The following KANK1 variants were observed in gnomAD, a reference collection of about 807,000 sequenced individuals.
KANK1 encodes KN motif and ankyrin repeat domain-containing protein 1.
Under a neutral mutation model 106.2 loss-of-function variants are expected in KANK1, and 109 were observed. The ratio of observed to expected loss-of-function variants is 1.03; its 90% CI spans 0.88 to 1.20. KANK1 has a LOEUF of 1.20. Ranked by LOEUF, KANK1 falls within the 50% of genes most tolerant of loss-of-function variation. The probability of loss-of-function intolerance (pLI) is 0.00; values close to 1 mark genes in which losing one functional copy is unlikely to be tolerated. For missense variants in KANK1, 2,399 were observed against 1,710.7 expected (o/e 1.40, Z -7.10); for synonymous variants, 873 against 652.2 (o/e 1.34, Z -5.16).
At chr9:637,614 C>T (rs1837454938) in intron 1 of KANK1, among the ~76,000 whole-genome samples, 1 of 152,180 alleles carries the variant, frequency 6.6e-6, no homozygotes, top group Non-Finnish European at 1.5e-5. Context: ...AATGCTTTAT[C>T]TGGGGACCAC....
chr9:705,657 T>C (rs1214601597), intron 2 of KANK1, among the ~76,000 whole-genome samples: 1 of 151,276 alleles, frequency 6.6e-6, no homozygotes, highest in African/African-American at 2.4e-5. Context: ...GAGTGCAATG[T>C]GTGTGATCTT....
At chr9:539,333 TC>T in intron 1 of KANK1, among the ~76,000 whole-genome samples, 1 of 152,360 alleles carries the variant, frequency 6.6e-6, no homozygotes, top group South Asian at 2.1e-4. Context: ...GTAGGTCACT[TC>T]GGGGAGTATG....
chr9:702,720 C>T (rs987963151), intron 2 of KANK1, among the ~76,000 whole-genome samples: 2 of 152,106 alleles, frequency 1.3e-5, no homozygotes, highest in South Asian at 2.1e-4. Flanking sequence ...TTTGTTGATG[C>T]CTTTTAGCCC....
At chr9:505,644 C>G (rs892447161) in intron 1 of KANK1, among the ~76,000 whole-genome samples, 1 of 152,246 alleles carries the variant, frequency 6.6e-6, no homozygotes, top group African/African-American at 2.4e-5. Context: ...CGAGCGTGAC[C>G]TAGTGAAGGC....
chr9:720,791 A>T (rs1485989951), intron 3 of KANK1, among the ~76,000 whole-genome samples: 2 of 152,114 alleles, frequency 1.3e-5, no homozygotes, highest in Non-Finnish European at 2.9e-5. Flanking sequence ...AGCCACTCCC[A>T]GCCTGTAATT....
chr9:707,197 G>A (rs559254158), intron 2 of KANK1: 5 of 986,020 alleles, frequency 5.1e-6, no homozygotes, highest in East Asian at 1.1e-4. Context: ...GAGCTGGAGC[G>A]AGCTGTGCGG....
intron 1 of KANK1, among the ~76,000 whole-genome samples, chr9:593,972 A>C (rs903293560): frequency 2.6e-5 from 4 of 151,896 alleles, no homozygotes; most frequent in African/African-American, 7.3e-5. Context: ...GGTGGAGAGC[A>C]AAGTGACTCC....
chr9:503,181 T>C (rs1278307581), upstream of KANK1, among the ~76,000 whole-genome samples: 4 of 152,042 alleles, frequency 2.6e-5, no homozygotes, highest in Non-Finnish European at 5.9e-5. Context: ...GCCTCTGATA[T>C]CTCATCCCTT....
intron 1 of KANK1, among the ~76,000 whole-genome samples, chr9:546,090 G>A (rs376776741): frequency 3.0e-4 from 46 of 152,182 alleles, no homozygotes; most frequent in African/African-American, 1.1e-3. Context: ...TGCCTTTCTG[G>A]ATGGACACAG....
At chr9:661,614 A>G (rs1454903158) in intron 1 of KANK1, among the ~76,000 whole-genome samples, 1 of 152,046 alleles carries the variant, frequency 6.6e-6, no homozygotes, top group Non-Finnish European at 1.5e-5. Flanking sequence ...TAGCAGCATG[A>G]TTTATAATCC....
chr9:520,899 G>A (rs1012344002), intron 1 of KANK1, among the ~76,000 whole-genome samples: 4 of 151,664 alleles, frequency 2.6e-5, no homozygotes, highest in Non-Finnish European at 5.9e-5. Context: ...TGCATTGTTA[G>A]TATCCTATTG....
intron 1 of KANK1, among the ~76,000 whole-genome samples, chr9:540,891 G>A (rs2133827292): frequency 6.6e-6 from 1 of 152,050 alleles, no homozygotes; most frequent in South Asian, 2.1e-4. Context: ...GTATAATTTT[G>A]TCTTTTAGTT....
chr9:713,674 G>C (rs1224672014), intron 3 of KANK1, among the ~76,000 whole-genome samples: 3 of 152,184 alleles, frequency 2.0e-5, no homozygotes, highest in African/African-American at 7.2e-5. Flanking sequence ...CTGGCCTCTG[G>C]CTGAGGACTA....
upstream of KANK1, among the ~76,000 whole-genome samples, chr9:501,882 T>A (rs1160389140): frequency 6.6e-6 from 1 of 152,200 alleles, no homozygotes; most frequent in East Asian, 1.9e-4. Flanking sequence ...AGGGCTTCTA[T>A]GCTGACATGT....
At chr9:668,950 A>AG (rs1845293960) in intron 1 of KANK1, among the ~76,000 whole-genome samples, 1 of 152,108 alleles carries the variant, frequency 6.6e-6, no homozygotes, top group Non-Finnish European at 1.5e-5. Context: ...ATCTGACAGG[A>AG]GGTGGAGCAG....
chr9:531,661 ACAG>A (rs1264688257), intron 1 of KANK1, among the ~76,000 whole-genome samples: 1 of 152,236 alleles, frequency 6.6e-6, no homozygotes. Context: ...TAACTGGAGT[ACAG>A]CAGCATTGGT....
chr9:708,440 T>C (rs980479973), intron 2 of KANK1, among the ~76,000 whole-genome samples: 9 of 152,248 alleles, frequency 5.9e-5, no homozygotes, highest in African/African-American at 2.2e-4. Context: ...GGCTAGAGCA[T>C]GACTGCTGCT....
chr9:678,933 C>T (rs895823681), intron 2 of KANK1, among the ~76,000 whole-genome samples: 2 of 152,120 alleles, frequency 1.3e-5, no homozygotes, highest in African/African-American at 4.8e-5. Flanking sequence ...AAGACCTCAA[C>T]CTTCTTCTGG....
chr9:662,767 T>A (rs1361710110), intron 1 of KANK1, among the ~76,000 whole-genome samples: 1 of 151,798 alleles, frequency 6.6e-6, no homozygotes, highest in Non-Finnish European at 1.5e-5. Flanking sequence ...GTTGAAGTGA[T>A]TCTCCTGCCT....
Sources: allele counts gnomAD v4.1 joint callset (sites outside exome capture counted in the v4.1 genomes callset), GRCh38; gene constraint gnomAD v4.1.1; transcripts MANE v1.5; gene names NCBI Gene and HGNC (gene_info 2026-07-23, HGNC 2026-07-21).